Variants in VPS26A observed in about 807,000 individuals in gnomAD.
The protein encoded by VPS26A is VPS26 retromer complex component A.
In VPS26A, 22 loss-of-function variants were observed where a neutral mutation model predicts 42.4. That is an observed-to-expected ratio of 0.52 (90% CI 0.37 to 0.74). The LOEUF (loss-of-function observed/expected upper bound fraction) is 0.74. Among genes scored for constraint, VPS26A ranks in the 30% least tolerant of loss-of-function variants. The probability of loss-of-function intolerance (pLI) is 0.00; values close to 1 mark genes in which losing one functional copy is unlikely to be tolerated. For synonymous variants in VPS26A, 110 were observed against 123.5 expected, an observed-to-expected ratio of 0.89 and a Z score of 0.73; for missense variants, 276 against 379.2, an observed-to-expected ratio of 0.73 and a Z score of 2.26.
At chr10:69,127,421 C>T (rs1317555950) in intron 1 of VPS26A, among the ~76,000 whole-genome samples, 2 of 151,548 alleles carry the variant, frequency 1.3e-5, no homozygotes, top group East Asian at 2.0e-4. Flanking sequence ...GGCGCGGTGG[C>T]GGGCACCTGT....
At chr10:69,130,532 T>C (rs1840752285) in intron 1 of VPS26A, among the ~76,000 whole-genome samples, 1 of 152,252 alleles carries the variant, frequency 6.6e-6, no homozygotes, top group Non-Finnish European at 1.5e-5. Context: ...ACATTGTGTG[T>C]GTGTCTGTTT....
chr10:69,132,999 A>G lies in VPS26A; in HGVS notation c.105A>G (p.Lys35=). ...CAGAAATGAAAACTGAAGATGGCAA[A>G]GTAGAAAAACACTATCTCTTCTATG... is the stretch of plus-strand genomic sequence containing the variant. The part of the protein sequence containing the change: ...KMAEMKTEDG[K]VEKHYLFYDG... The change falls in exon 2 of 9, where the codon AAA becomes AAG. Residue 35 remains lysine, a synonymous_variant. Transcript: ENST00000263559. 2 of 1,613,028 alleles carry G rather than the reference A, an allele frequency of 1.2e-6. No homozygotes were observed. The highest frequency in any genetic ancestry group is 2.2e-5 in the East Asian group (1 of 44,800).
intron 5 of VPS26A, among the ~76,000 whole-genome samples, chr10:69,159,380 CA>C (rs1344299906): frequency 1.3e-4 from 12 of 90,200 alleles, no homozygotes; most frequent in East Asian, 3.0e-4. Context: ...GACTCCATCT[CA>C]AAAAAAAAAA....
chr10:69,148,989 C>G (rs1176997550), intron 2 of VPS26A, among the ~76,000 whole-genome samples: 4 of 152,140 alleles, frequency 2.6e-5, no homozygotes, highest in Non-Finnish European at 5.9e-5. Flanking sequence ...ATCTCCTGAC[C>G]TCTTGATCTG....
chr10:69,167,177 C>G (rs1315834543), intron 7 of VPS26A, among the ~76,000 whole-genome samples: 1 of 150,880 alleles, frequency 6.6e-6, no homozygotes, highest in Non-Finnish European at 1.5e-5. Flanking sequence ...CGCCTGTAAT[C>G]CCACCATTTT....
At chr10:69,158,386 G>A (rs1230046449) in intron 5 of VPS26A, among the ~76,000 whole-genome samples, 175 bp downstream of exon 5, 3 of 152,108 alleles carry the variant, frequency 2.0e-5, no homozygotes, top group African/African-American at 7.2e-5. Flanking sequence ...ACTCAGTAAA[G>A]GTGTCTTTTA....
intron 2 of VPS26A, chr10:69,133,657 G>GT: frequency 8.0e-7 from 1 of 1,246,388 alleles, no homozygotes; most frequent in Non-Finnish European, 1.0e-6. Context: ...ACGGTTTTTT[G>GT]TTTTGGGTTT....
At chr10:69,124,333 C>T (rs1164614189) in intron 1 of VPS26A, 53 bp downstream of exon 1, 29 of 1,233,540 alleles carry the variant, frequency 2.4e-5, no homozygotes, top group Non-Finnish European at 2.8e-5. Flanking sequence ...CCGGAGCGCG[C>T]GGCGGGCCGG....
At chr10:69,134,290 A>G (rs1416889426) in intron 2 of VPS26A, among the ~76,000 whole-genome samples, 2 of 151,964 alleles carry the variant, frequency 1.3e-5, no homozygotes, top group African/African-American at 2.4e-5. Flanking sequence ...TTTTTCCTCT[A>G]TTGTTTGATA....
At chr10:69,146,615 G>A (rs922465939) in intron 2 of VPS26A, among the ~76,000 whole-genome samples, 4 of 151,886 alleles carry the variant, frequency 2.6e-5, no homozygotes, top group Admixed American at 6.6e-5. Flanking sequence ...TCTACTGTCC[G>A]TTTCTATGAA....
chr10:69,164,222 C>T (rs1471427553), intron 6 of VPS26A, among the ~76,000 whole-genome samples: 1 of 137,990 alleles, frequency 7.2e-6, no homozygotes, highest in Non-Finnish European at 1.6e-5. Context: ...TCCCCCTCCA[C>T]CTTTTTTTTT....
rs1391850469 is a variant in VPS26A, at chr10:69,173,175, C to A, written c.*1906C>A. 6.6e-6 allele frequency among the ~76,000 whole-genome samples: 1 copy of A among 152,106 alleles called. No individual in the cohort carries two copies. Among genetic ancestry groups the A allele is most frequent in the Admixed American group, 6.6e-5 (1 of 15,266 alleles). On this transcript the variant is annotated 3_prime_UTR_variant, in exon 9 of 9. Coordinates refer to ENST00000263559, the MANE Select transcript of VPS26A (RefSeq NM_004896.5). Reference sequence around the variant, plus strand: ...CAGCCAGCTAATTAGAAGTCATAAACTGAAAAAGAAATTTGTGTCTTTAAT... The same window carrying A: ...CAGCCAGCTAATTAGAAGTCATAAAATGAAAAAGAAATTTGTGTCTTTAAT...
chr10:69,159,002 T>G (rs781168623), intron 5 of VPS26A, among the ~76,000 whole-genome samples: 18 of 152,200 alleles, frequency 1.2e-4, no homozygotes, highest in Admixed American at 3.3e-4. Flanking sequence ...AACAAAAGAT[T>G]GCCATTTAAA....
chr10:69,171,036 G>C (rs1841801575), intron 8 of VPS26A, 120 bp from the exon 9 acceptor site: 2 of 789,656 alleles, frequency 2.5e-6, no homozygotes, highest in Non-Finnish European at 4.0e-6. Flanking sequence ...AGTTGGAAAA[G>C]AGGAGGGCTT....
chr10:69,148,501 C>T (rs1015978782), intron 2 of VPS26A, among the ~76,000 whole-genome samples: 5 of 152,162 alleles, frequency 3.3e-5, no homozygotes, highest in African/African-American at 1.2e-4. Context: ...CTTGGATTTC[C>T]ACTGGCAGCA....
chr10:69,163,550 C>T (rs1841609675), intron 6 of VPS26A, among the ~76,000 whole-genome samples: 1 of 152,088 alleles, frequency 6.6e-6, no homozygotes, highest in South Asian at 2.1e-4. Context: ...GCTGTAAAAA[C>T]TTTTAGCTCA....
At chr10:69,132,005 T>C (rs1200156104) in intron 1 of VPS26A, among the ~76,000 whole-genome samples, 2 of 152,238 alleles carry the variant, frequency 1.3e-5, no homozygotes, top group African/African-American at 2.4e-5. Context: ...AGATTTTCTT[T>C]GGAAAAATTC....
chr10:69,164,509 G>T (rs779404826), intron 6 of VPS26A, among the ~76,000 whole-genome samples: 1 of 152,146 alleles, frequency 6.6e-6, no homozygotes, highest in Non-Finnish European at 1.5e-5. Flanking sequence ...GAGCCACTGT[G>T]CCCTGAATTC....
chr10:69,163,997 G>T (rs1362177550), intron 6 of VPS26A, among the ~76,000 whole-genome samples: 2 of 151,228 alleles, frequency 1.3e-5, no homozygotes. Context: ...TCGATCTCCT[G>T]ACCTCGTGAT....
Sources: gnomAD v4.1 joint callset for allele counts (sites outside exome capture counted in the v4.1 genomes callset) on GRCh38, gnomAD v4.1.1 for gene constraint, MANE v1.5 for transcripts, NCBI Gene and HGNC (gene_info 2026-07-23, HGNC 2026-07-21) for gene names.